Variants in GAREM1 observed in about 807,000 individuals in gnomAD.
The protein encoded by GAREM1 is GRB2 associated regulator of MAPK1 subtype 1.
In GAREM1, 26 loss-of-function variants were observed where a neutral mutation model predicts 71.3. The ratio of observed to expected loss-of-function variants is 0.36; its 90% CI spans 0.27 to 0.51. The LOEUF (loss-of-function observed/expected upper bound fraction) is 0.51. Ranked by LOEUF, GAREM1 falls within the 20% of genes least tolerant of loss-of-function variation. The probability of loss-of-function intolerance (pLI) is 0.95; values close to 1 mark genes in which losing one functional copy is unlikely to be tolerated. For missense variants in GAREM1, 1,026 were observed against 1,103.1 expected, an observed-to-expected ratio of 0.93 and a Z score of 0.99; for synonymous variants, 440 against 433.2, an observed-to-expected ratio of 1.02 and a Z score of -0.20.
At chr18:32,384,909 A>AC (rs939785764) in intron 2 of GAREM1, among the ~76,000 whole-genome samples, 7 of 152,258 alleles carry the variant, frequency 4.6e-5, no homozygotes, top group African/African-American at 1.7e-4. Flanking sequence ...AGATACATTT[A>AC]CCCTCTATCT....
chr18:32,409,035 TAC>T (rs1846451135), intron 1 of GAREM1, among the ~76,000 whole-genome samples: 1 of 152,176 alleles, frequency 6.6e-6, no homozygotes, highest in Non-Finnish European at 1.5e-5. Context: ...CTTTGGAGCG[TAC>T]ACCACGAAAC....
chr18:32,441,434 T>C (rs2048736365), intron 1 of GAREM1, among the ~76,000 whole-genome samples: 2 of 152,086 alleles, frequency 1.3e-5, no homozygotes, highest in East Asian at 1.9e-4. Context: ...ATATTCAATA[T>C]ATGTGAGCTA....
chr18:32,314,231 T>C (rs1220725904), intron 2 of GAREM1, among the ~76,000 whole-genome samples: 4 of 152,322 alleles, frequency 2.6e-5, no homozygotes, highest in African/African-American at 9.6e-5. Context: ...TACAGTTTTA[T>C]ACCGTGCCCT....
At chr18:32,277,416 C>T (rs2041557262) in intron 4 of GAREM1, among the ~76,000 whole-genome samples, 1 of 152,184 alleles carries the variant, frequency 6.6e-6, no homozygotes, top group African/African-American at 2.4e-5. Context: ...TGCTCCCTGC[C>T]TCTGTCATGC....
chr18:32,319,032 T>A, intron 2 of GAREM1, among the ~76,000 whole-genome samples: 1 of 152,180 alleles, frequency 6.6e-6, no homozygotes. Context: ...TGATTCAGTG[T>A]GGTACCTCCA....
At chr18:32,284,308 A>G (rs2144455051) in intron 4 of GAREM1, among the ~76,000 whole-genome samples, 1 of 152,350 alleles carries the variant, frequency 6.6e-6, no homozygotes, top group African/African-American at 2.4e-5. Context: ...AACACTGGAC[A>G]CGCTCTGAAA....
intron 1 of GAREM1, among the ~76,000 whole-genome samples, chr18:32,457,239 G>A (rs905879084): frequency 1.1e-4 from 16 of 150,954 alleles, no homozygotes; most frequent in African/African-American, 3.4e-4. Context: ...GTGTGTGTGT[G>A]TGTGTGTGTG....
intron 2 of GAREM1, among the ~76,000 whole-genome samples, chr18:32,312,561 T>A (rs1038035392): frequency 1.3e-5 from 2 of 152,046 alleles, no homozygotes; most frequent in African/African-American, 4.8e-5. Flanking sequence ...AAACCAGAAA[T>A]AATAAGAATG....
chr18:32,445,968 G>C (rs1380952145), intron 1 of GAREM1, among the ~76,000 whole-genome samples: 2 of 152,130 alleles, frequency 1.3e-5, no homozygotes, highest in Non-Finnish European at 2.9e-5. Flanking sequence ...GAGGTAAAAT[G>C]CATGTTGCTC....
chr18:32,361,150 C>T (rs1347290336), intron 2 of GAREM1, among the ~76,000 whole-genome samples: 8 of 152,192 alleles, frequency 5.3e-5, no homozygotes, highest in Admixed American at 2.0e-4. Flanking sequence ...ACATCACTGT[C>T]GTTGCCTACA....
chr18:32,427,329 A>G (rs7243086), intron 1 of GAREM1, among the ~76,000 whole-genome samples: 32,816 of 151,958 alleles, frequency 0.22, 4,156 homozygotes, highest in East Asian at 0.38. Context: ...AGGTATGTAA[A>G]TTATTCTTCC....
intron 2 of GAREM1, among the ~76,000 whole-genome samples, chr18:32,327,557 T>C (rs927658660): frequency 1.3e-5 from 2 of 152,126 alleles, no homozygotes; most frequent in African/African-American, 2.4e-5. Flanking sequence ...CCAGCAAATA[T>C]GCATAACAAG....
intron 2 of GAREM1, among the ~76,000 whole-genome samples, chr18:32,391,786 A>G (rs1373963894): frequency 6.6e-6 from 1 of 152,210 alleles, no homozygotes; most frequent in African/African-American, 2.4e-5. Flanking sequence ...GGGCTAGGAA[A>G]TACAATTCTA....
intron 3 of GAREM1, among the ~76,000 whole-genome samples, chr18:32,307,824 T>TAA (rs1369587790): frequency 2.0e-5 from 3 of 152,188 alleles, no homozygotes; most frequent in Non-Finnish European, 4.4e-5. Flanking sequence ...TGCCCTGGCT[T>TAA]AATCCAGTCT....
At chr18:32,408,886 T>C (rs998522685) in intron 1 of GAREM1, among the ~76,000 whole-genome samples, 1 of 152,222 alleles carries the variant, frequency 6.6e-6, no homozygotes, top group Non-Finnish European at 1.5e-5. Context: ...AGTTAAGCTA[T>C]GTATCTGCTG....
rs1000482850 is a variant in GAREM1 at position 32,265,976 on chromosome 18, T to G, written c.*1895A>C. The G allele has an allele frequency of 6.6e-6, 1 of 152,222 alleles. No homozygotes were observed. Among genetic ancestry groups the G allele is most frequent in the African/African-American group, 2.4e-5 (1 of 41,462 alleles). 9.4% of individuals were successfully genotyped at this position (152,222 alleles called of 1,614,324 possible). On this transcript the variant is annotated 3_prime_UTR_variant, in exon 6 of 6. Transcript: ENST00000269209. ...ATGCTTTCAAAACACGAAAGCTTCA[T>G]AGGTCTCATGTCCTGTGAGTGCAGT...
rs185661179 is a variant in GAREM1 at position 32,416,046 on chromosome 18, T to C, written c.122-23011A>G. Among the ~76,000 whole-genome samples, 198 of 152,184 alleles carry C rather than the reference T, an allele frequency of 1.3e-3. 2 individuals are homozygous for C. Among genetic ancestry groups the C allele is most frequent in the African/African-American group, 4.5e-3 (186 of 41,542 alleles). The stretch of plus-strand genomic sequence containing the variant: ...AAAGTTCCAGGATACAAAATCAACA[T>C]ACAAAAATCAATGGCATTTCTATAT... On this transcript the variant is annotated intron_variant, in intron 1 of 5. Coordinates refer to ENST00000269209, the MANE Select transcript of GAREM1 (RefSeq NM_001242409.2).
chr18:32,414,339 C>T (rs1368214977), intron 1 of GAREM1, among the ~76,000 whole-genome samples: 5 of 151,326 alleles, frequency 3.3e-5, no homozygotes, highest in Non-Finnish European at 5.9e-5. Flanking sequence ...GTATACAGAC[C>T]GAAGAAAGAG....
intron 4 of GAREM1, among the ~76,000 whole-genome samples, chr18:32,273,179 T>A (rs770492748): frequency 6.6e-6 from 1 of 152,200 alleles, no homozygotes; most frequent in Non-Finnish European, 1.5e-5. Context: ...CTTCCCAATA[T>A]TGGATTAGAG....
Sources: allele counts gnomAD v4.1 joint callset (sites outside exome capture counted in the v4.1 genomes callset), GRCh38; gene constraint gnomAD v4.1.1; transcripts MANE v1.5; gene names NCBI Gene and HGNC (gene_info 2026-07-23, HGNC 2026-07-21).